NYAP2: variants seen among roughly 807,000 people sequenced by gnomAD.
The protein encoded by NYAP2 is neuronal tyrosine-phosphorylated phosphoinositide-3-kinase adapter 2.
NYAP2 carries 23 observed loss-of-function variants against 50.4 expected under a neutral mutation model. The observed-to-expected ratio is 0.46, with a 90% confidence interval of 0.33 to 0.65. The LOEUF (loss-of-function observed/expected upper bound fraction) is 0.65. NYAP2 is among the 30% of genes least tolerant of loss of function. NYAP2 has a pLI of 0.02. For missense variants in NYAP2, 885 were observed against 861.0 expected (o/e 1.03, Z -0.35); for synonymous variants, 394 against 365.2 (o/e 1.08, Z -0.90).
chr2:225,599,113 A>G (rs1692655841), intron 5 of NYAP2, among the ~76,000 whole-genome samples: 1 of 152,128 alleles, frequency 6.6e-6, no homozygotes, highest in African/African-American at 2.4e-5. Context: ...CTAAGAATAG[A>G]GAAGACTGTG....
At chr2:225,657,088 G>C (rs1427873548), downstream of NYAP2, among the ~76,000 whole-genome samples, 1 of 145,100 alleles carries the variant, frequency 6.9e-6, no homozygotes, top group Admixed American at 6.9e-5. Flanking sequence ...AGTGTGAAAT[G>C]AGAAATCTAA....
chr2:225,556,378 A>T (rs944737657), intron 4 of NYAP2, among the ~76,000 whole-genome samples: 1 of 152,178 alleles, frequency 6.6e-6, no homozygotes, highest in Non-Finnish European at 1.5e-5. Context: ...GCTGTTGCAA[A>T]CTCAATTTTA....
At chr2:225,415,160 A>G (rs1036205712) in intron 3 of NYAP2, among the ~76,000 whole-genome samples, 4 of 152,134 alleles carry the variant, frequency 2.6e-5, no homozygotes, top group African/African-American at 9.7e-5. Flanking sequence ...CCTCTTTAAA[A>G]GTGACAGAAA....
At chr2:225,510,779 T>TTG (rs146231874) in intron 3 of NYAP2, among the ~76,000 whole-genome samples, 46,083 of 148,292 alleles carry the variant, frequency 0.31, 7,024 homozygotes, top group South Asian at 0.48. Context: ...GTTAATGTGT[T>TTG]TGTGTGTGTG....
At chr2:225,421,607 T>G (rs1695215898) in intron 3 of NYAP2, among the ~76,000 whole-genome samples, 1 of 152,244 alleles carries the variant, frequency 6.6e-6, no homozygotes, top group South Asian at 2.1e-4. Flanking sequence ...TAGGAGGGAA[T>G]GTTTGTTCAG....
chr2:225,614,838 C>T (rs1486876684), intron 5 of NYAP2, among the ~76,000 whole-genome samples: 1 of 152,202 alleles, frequency 6.6e-6, no homozygotes, highest in African/African-American at 2.4e-5. Flanking sequence ...CTATTGCAAA[C>T]AATTCCAAAA....
chr2:225,626,539 G>A (rs1391596743), intron 5 of NYAP2, among the ~76,000 whole-genome samples: 1 of 152,208 alleles, frequency 6.6e-6, no homozygotes. Context: ...AAAGGCACTA[G>A]GTGATGTTAT....
chr2:225,620,486 C>T (rs1490132602), intron 5 of NYAP2, among the ~76,000 whole-genome samples: 1 of 150,592 alleles, frequency 6.6e-6, no homozygotes, highest in Admixed American at 6.6e-5. Flanking sequence ...CACGCACGCA[C>T]GCACACACAC....
At chr2:225,538,778 T>TTTTCTTTC (rs201335435) in intron 4 of NYAP2, among the ~76,000 whole-genome samples, 20 of 76,090 alleles carry the variant, frequency 2.6e-4, no homozygotes, top group South Asian at 5.0e-4. Flanking sequence ...TTTTCTTTTC[T>TTTTCTTTC]TTTCTTTCTT....
At chr2:225,613,095 C>T (rs866358222) in intron 5 of NYAP2, among the ~76,000 whole-genome samples, 1 of 152,112 alleles carries the variant, frequency 6.6e-6, no homozygotes, top group South Asian at 2.1e-4. Context: ...CGAAGTCTCA[C>T]GATAGGCTGG....
intron 3 of NYAP2, among the ~76,000 whole-genome samples, chr2:225,476,805 T>A (rs1291319346): frequency 6.6e-6 from 1 of 152,164 alleles, no homozygotes; most frequent in African/African-American, 2.4e-5. Flanking sequence ...AACTTTAAGA[T>A]ACAGATAATA....
intron 5 of NYAP2, among the ~76,000 whole-genome samples, chr2:225,607,443 A>G (rs1366930265): frequency 6.6e-6 from 1 of 152,120 alleles, no homozygotes; most frequent in Non-Finnish European, 1.5e-5. Context: ...TCCTTTCTTC[A>G]AGAACATTCT....
At chr2:225,409,983 A>G (rs1695007461) in intron 3 of NYAP2, among the ~76,000 whole-genome samples, 1 of 152,068 alleles carries the variant, frequency 6.6e-6, no homozygotes, top group South Asian at 2.1e-4. Flanking sequence ...TTGATGGTTA[A>G]TTGGGAGATT....
At chr2:225,664,010 T>TA in the NYAP2 span, among the ~76,000 whole-genome samples, 1 of 152,168 alleles carries the variant, frequency 6.6e-6, no homozygotes, top group Non-Finnish European at 1.5e-5. Flanking sequence ...AAGGCTTTTT[T>TA]ATCTTTCCCA....
At chr2:225,622,518 C>CTTTCTTCTTTCT (rs149175182) in intron 5 of NYAP2, among the ~76,000 whole-genome samples, 1 of 70,398 alleles carries the variant, frequency 1.4e-5, no homozygotes, top group African/African-American at 4.2e-5. Flanking sequence ...TTCTTTCTTT[C>CTTTCTTCTTTCT]TTCTTTCTTT....
intron 4 of NYAP2, among the ~76,000 whole-genome samples, chr2:225,558,213 A>G (rs1224868366): frequency 6.6e-6 from 1 of 152,112 alleles, no homozygotes; most frequent in African/African-American, 2.4e-5. Context: ...CTTCATATTA[A>G]TCTCTCATTG....
chr2:225,414,910 C>G (rs1218621613), intron 3 of NYAP2, among the ~76,000 whole-genome samples: 1 of 152,098 alleles, frequency 6.6e-6, no homozygotes, highest in Non-Finnish European at 1.5e-5. Flanking sequence ...TTGAAAGCAA[C>G]AAGAAAATCT....
chr2:225,506,284 T>C (rs1340919857), intron 3 of NYAP2, among the ~76,000 whole-genome samples: 1 of 152,160 alleles, frequency 6.6e-6, no homozygotes, highest in African/African-American at 2.4e-5. Context: ...TTCATGAATC[T>C]GGGGGTAAGT....
intron 3 of NYAP2, among the ~76,000 whole-genome samples, chr2:225,499,655 A>T (rs923054014): frequency 2.6e-5 from 4 of 152,174 alleles, no homozygotes; most frequent in Admixed American, 1.3e-4. Context: ...GCCAGAGTAC[A>T]ACAGATACAC....
Sources: allele counts gnomAD v4.1 joint callset (sites outside exome capture counted in the v4.1 genomes callset), GRCh38; gene constraint gnomAD v4.1.1; transcripts MANE v1.5; gene names NCBI Gene and HGNC (gene_info 2026-07-23, HGNC 2026-07-21).